The following PPA2 variants were observed in gnomAD, a reference collection of about 807,000 sequenced individuals.
PPA2 encodes inorganic pyrophosphatase 2.
In PPA2, 48 loss-of-function variants were observed where a neutral mutation model predicts 49.5. That is an observed-to-expected ratio of 0.97 (90% confidence interval 0.77 to 1.23). The LOEUF (loss-of-function observed/expected upper bound fraction) is 1.23, where lower values mean the gene tolerates loss of function less well. PPA2 is among the 50% of genes most tolerant of loss of function. PPA2 has a pLI of 0.00. For synonymous variants in PPA2, 131 were observed against 139.9 expected (o/e 0.94, Z 0.45); for missense variants, 429 against 410.1 (o/e 1.05, Z -0.40).
chr4:105,391,052 G>A (rs1183276963), intron 9 of PPA2, among the ~76,000 whole-genome samples: 1 of 152,064 alleles, frequency 6.6e-6, no homozygotes, highest in Non-Finnish European at 1.5e-5. Flanking sequence ...GGATGAAGCT[G>A]GAAACCATCA....
chr4:105,442,627 C>T (rs1307989200), intron 5 of PPA2, among the ~76,000 whole-genome samples: 5 of 152,108 alleles, frequency 3.3e-5, no homozygotes, highest in Non-Finnish European at 7.4e-5. Context: ...GGTGGGAAGA[C>T]GAGATGAATT....
chr4:105,380,743 T>A (rs1423957253), intron 10 of PPA2, among the ~76,000 whole-genome samples: 1 of 151,892 alleles, frequency 6.6e-6, no homozygotes, highest in Non-Finnish European at 1.5e-5. Flanking sequence ...ATGTTTGTTT[T>A]CATAAAAAAT....
chr4:105,447,574 A>G (rs973731651), intron 4 of PPA2, among the ~76,000 whole-genome samples: 1 of 152,202 alleles, frequency 6.6e-6, no homozygotes, highest in Middle Eastern at 3.2e-3. Context: ...CAGATATATT[A>G]TTTAGCTTAA....
chr4:105,455,551 C>G (rs564018122), intron 2 of PPA2, among the ~76,000 whole-genome samples: 1 of 152,232 alleles, frequency 6.6e-6, no homozygotes, highest in South Asian at 2.1e-4. Context: ...AATAAGGGTA[C>G]TAAATGTAAA....
intron 7 of PPA2, among the ~76,000 whole-genome samples, chr4:105,413,940 C>T (rs1489735141): frequency 6.6e-6 from 1 of 152,152 alleles, no homozygotes; most frequent in African/African-American, 2.4e-5. Context: ...AGCATCTCTG[C>T]AAATAGAATG....
chr4:105,420,094 T>A (rs1278161628), intron 7 of PPA2, among the ~76,000 whole-genome samples: 1 of 152,078 alleles, frequency 6.6e-6, no homozygotes, highest in East Asian at 1.9e-4. Flanking sequence ...TGCCTCAGCC[T>A]CCCATATAGC....
intron 4 of PPA2, among the ~76,000 whole-genome samples, chr4:105,448,575 TAA>T (rs879922701): frequency 4.6e-5 from 6 of 131,026 alleles, no homozygotes; most frequent in Non-Finnish European, 8.4e-5. Context: ...CGGAAAAATT[TAA>T]AAAAAAAAAA....
intron 10 of PPA2, among the ~76,000 whole-genome samples, chr4:105,380,920 T>A (rs1473145902): frequency 6.6e-6 from 1 of 152,074 alleles, no homozygotes; most frequent in Non-Finnish European, 1.5e-5. Context: ...GAAGGGTAAT[T>A]TCTGAGTAGT....
At chr4:105,406,835 G>A (rs971828487) in intron 7 of PPA2, among the ~76,000 whole-genome samples, 1 of 152,086 alleles carries the variant, frequency 6.6e-6, no homozygotes, top group African/African-American at 2.4e-5. Context: ...TGTATATGAG[G>A]TAACAATACA....
chr4:105,406,288 T>C (rs1473349938), intron 7 of PPA2, among the ~76,000 whole-genome samples: 5 of 151,444 alleles, frequency 3.3e-5, no homozygotes, highest in East Asian at 3.9e-4. Context: ...AAAGATGAAA[T>C]AGACTGGAAG....
At chr4:105,433,435 A>G (rs1408498639) in intron 6 of PPA2, among the ~76,000 whole-genome samples, 1 of 152,216 alleles carries the variant, frequency 6.6e-6, no homozygotes, top group East Asian at 1.9e-4. Flanking sequence ...TCCCATTTGA[A>G]AAATTACAGA....
chr4:105,430,989 G>C (rs1184746582), intron 6 of PPA2, among the ~76,000 whole-genome samples: 1 of 152,114 alleles, frequency 6.6e-6, no homozygotes. Flanking sequence ...CTAGTGAATG[G>C]AAGACCTGGG....
intron 10 of PPA2, among the ~76,000 whole-genome samples, chr4:105,381,053 T>C (rs569734955): frequency 6.6e-6 from 1 of 152,254 alleles, no homozygotes; most frequent in East Asian, 1.9e-4. Flanking sequence ...CTAAAAACTC[T>C]TGGTATTAAC....
Position 105,428,187 on chromosome 4 carries a change from C to G in PPA2, c.529-3865G>C, listed in dbSNP as rs376392095. On this transcript the variant is annotated intron_variant, in intron 6 of 11. Transcript: ENST00000341695. Reference sequence around the variant, plus strand: ...CACCACGACGCCTGCTTTACAAGAGCTCCTGAAGGAAGCAAGAAACGTGGA... The same window carrying G: ...CACCACGACGCCTGCTTTACAAGAGGTCCTGAAGGAAGCAAGAAACGTGGA... Among the ~76,000 whole-genome samples, 5 of 152,306 alleles carry G rather than the reference C, an allele frequency of 3.3e-5. No homozygotes were observed. The East Asian group carries it at 7.7e-4, about 24-fold the overall frequency.
intron 6 of PPA2, among the ~76,000 whole-genome samples, chr4:105,425,295 A>G (rs1351353532): frequency 6.6e-6 from 1 of 152,236 alleles, no homozygotes; most frequent in East Asian, 1.9e-4. Context: ...ATTAACAGAT[A>G]GGAACCTCAA....
intron 9 of PPA2, among the ~76,000 whole-genome samples, chr4:105,395,661 T>A (rs191630576): frequency 0.016 from 2,500 of 151,632 alleles, 50 homozygotes; most frequent in African/African-American, 0.054. Context: ...ATGATTTTTT[T>A]AAAAGAACCC....
At chr4:105,396,693 G>C (rs1357984419) in intron 8 of PPA2, among the ~76,000 whole-genome samples, 1 of 152,180 alleles carries the variant, frequency 6.6e-6, no homozygotes, top group African/African-American at 2.4e-5. Context: ...TACGATAGCA[G>C]AGTTGAGCAG....
chr4:105,446,195 A>T, intron 5 of PPA2, 188 bp downstream of exon 5: 1 of 453,744 alleles, frequency 2.2e-6, no homozygotes, highest in Non-Finnish European at 3.7e-6. Context: ...TTGAGTATAG[A>T]CATATATATG....
At chr4:105,450,910 A>T (rs896095990) in intron 3 of PPA2, among the ~76,000 whole-genome samples, 1 of 152,050 alleles carries the variant, frequency 6.6e-6, no homozygotes, top group Admixed American at 6.5e-5. Context: ...CCCTGCCAAC[A>T]CTTTTCTAAC....
Sources: allele counts gnomAD v4.1 joint callset (sites outside exome capture counted in the v4.1 genomes callset), GRCh38; gene constraint gnomAD v4.1.1; transcripts MANE v1.5; gene names NCBI Gene and HGNC (gene_info 2026-07-23, HGNC 2026-07-21).